Variants in MVK observed in about 807,000 individuals in gnomAD.
MVK encodes the protein mevalonate kinase.
MVK carries 34 observed loss-of-function variants against 43.2 expected under a neutral mutation model. That is an observed-to-expected ratio of 0.79 (90% CI 0.60 to 1.05). The LOEUF is 1.05. Ranked by LOEUF, MVK falls within the 50% of genes least tolerant of loss-of-function variation. MVK has a pLI of 0.00. For missense variants in MVK, 395 were observed against 504.0 expected (o/e 0.78, Z 2.07); for synonymous variants, 190 against 219.8 (o/e 0.86, Z 1.20).
intron 6 of MVK, 60 bp downstream of exon 6, chr12:109,586,185 T>A: frequency 7.7e-7 from 1 of 1,303,362 alleles, no homozygotes; most frequent in Non-Finnish European, 1.1e-6. Flanking sequence ...ATTACAATGG[T>A]AGGTGCCCAA....
chr12:109,574,356 G>A (rs1884824032), intron 1 of MVK, among the ~76,000 whole-genome samples: 1 of 152,188 alleles, frequency 6.6e-6, no homozygotes, highest in Non-Finnish European at 1.5e-5. Context: ...TCTGCTCCAT[G>A]ATTTCATGTA....
At chr12:109,580,337 A>C (rs1885164111) in intron 4 of MVK, among the ~76,000 whole-genome samples, 1 of 152,138 alleles carries the variant, frequency 6.6e-6, no homozygotes, top group Non-Finnish European at 1.5e-5. Context: ...TCCTGGGCTC[A>C]TGTGATCCAA....
chr12:109,581,325 G>T, intron 4 of MVK, 70 bp from the exon 5 acceptor site: 1 of 1,600,128 alleles, frequency 6.2e-7, no homozygotes, highest in East Asian at 2.2e-5. Flanking sequence ...CCTGGGCCTG[G>T]CCCCTGGTTC....
intron 8 of MVK, 150 bp from the exon 9 acceptor site, chr12:109,591,091 C>CA (rs1203926520): frequency 1.1e-5 from 10 of 932,062 alleles, no homozygotes; most frequent in Middle Eastern, 3.1e-4. Flanking sequence ...GCTGGGAAGG[C>CA]AAAAAAACAG....
At chr12:109,580,949 G>C (rs1885189613) in intron 4 of MVK, among the ~76,000 whole-genome samples, 1 of 152,118 alleles carries the variant, frequency 6.6e-6, no homozygotes, top group South Asian at 2.1e-4. Context: ...GGGTCTTTGT[G>C]GGCAGCTACG....
At chr12:109,579,249 C>T (rs1198540680) in intron 3 of MVK, 4 of 438,434 alleles carry the variant, frequency 9.1e-6, no homozygotes, top group Non-Finnish European at 1.8e-5. Context: ...AAGCGATCCT[C>T]CTGCCTCAGC....
intron 8 of MVK, 22 bp from the exon 9 acceptor site, chr12:109,591,219 C>T (rs756657790): frequency 1.2e-5 from 20 of 1,610,068 alleles, no homozygotes; most frequent in Middle Eastern, 1.7e-4. Flanking sequence ...CCTCACCAGC[C>T]GTTCCTTCTT....
Position 109,593,716 on chromosome 12 carries a change from A to ATTTTTTTT in MVK, c.886-1297_886-1290dup, listed in dbSNP as rs33948292. Among the ~76,000 whole-genome samples the ATTTTTTTT allele has an allele frequency of 2.7e-5, 3 of 110,406 alleles. 1 individual carries two copies. The highest frequency in any genetic ancestry group is 3.8e-5 in the African/African-American group (1 of 26,206). The allele number at this position is 110,406 out of a possible 152,430, so 72.4% of individuals were successfully genotyped here. On this transcript the variant is annotated intron_variant, in intron 9 of 10. Coordinates refer to ENST00000228510, the MANE Select transcript of MVK (RefSeq NM_000431.4). ...GTTTCGTCTCAGGGCAAAGAAGCAG[A>ATTTTTTTT]TTTTTTTTTTTTTTTTTTTTTTGAG... is the stretch of plus-strand genomic sequence containing the variant.
At position 109,596,884 on chromosome 12, in the gene MVK, C is replaced by T. The variant is rs902713283; in HGVS notation, c.*307C>T. The T allele has an allele frequency of 3.8e-5, 18 of 469,900 alleles. No individual in the cohort carries two copies. Among genetic ancestry groups the T allele is most frequent in the Admixed American group, 1.4e-4 (4 of 29,612 alleles). The allele number at this position is 469,900 out of a possible 1,614,324, so 29.1% of individuals were successfully genotyped here. A position where few individuals can be genotyped will look rare whatever the true frequency, so the allele number is the denominator to read the frequency against. On this transcript the variant is annotated 3_prime_UTR_variant, in exon 11 of 11. Transcript: ENST00000228510. ...CACAGTCCCATCTGCTTCAGGCCCC[C>T]GCCTTGGCCTGTGTTCTTCCTGGCC...
chr12:109,592,822 G>A (rs1885742192), intron 9 of MVK, among the ~76,000 whole-genome samples: 1 of 152,122 alleles, frequency 6.6e-6, no homozygotes. Flanking sequence ...CTGTGTTTCG[G>A]CCCTCATTCC....
chr12:109,573,293 C>T (rs115069962), upstream of MVK: 382 of 1,610,108 alleles, frequency 2.4e-4, no homozygotes, highest in African/African-American at 4.1e-3. Flanking sequence ...CCCATGGCGA[C>T]GACACCACGA....
intron 3 of MVK, among the ~76,000 whole-genome samples, chr12:109,578,568 G>T (rs1885065810): frequency 6.6e-6 from 1 of 152,182 alleles, no homozygotes; most frequent in Non-Finnish European, 1.5e-5. Flanking sequence ...GGTTACACTT[G>T]TTGGTGACAC....
chr12:109,573,282 A>T (rs1884724992), upstream of MVK: 1 of 1,601,230 alleles, frequency 6.2e-7, no homozygotes, highest in African/African-American at 1.3e-5. Context: ...GGTGTGACGT[A>T]CCCATGGCGA....
At chr12:109,582,098 C>A (rs1287481751) in intron 5 of MVK, among the ~76,000 whole-genome samples, 1 of 152,204 alleles carries the variant, frequency 6.6e-6, no homozygotes, top group Non-Finnish European at 1.5e-5. Context: ...CTCTGCGTTC[C>A]TATTGACCAC....
chr12:109,592,105 A>G (rs1003867158), intron 9 of MVK, among the ~76,000 whole-genome samples: 4 of 152,202 alleles, frequency 2.6e-5, no homozygotes, highest in Admixed American at 6.5e-5. Flanking sequence ...TTAGCCAGAC[A>G]TGACGGTACA....
At chr12:109,585,918 G>A in intron 5 of MVK, 104 bp from the exon 6 acceptor site, 1 of 877,134 alleles carries the variant, frequency 1.1e-6, no homozygotes, top group Non-Finnish European at 1.9e-6. Context: ...GAGCTCAAGG[G>A]CCCAAGCTCC....
chr12:109,573,311 C>G, upstream of MVK: 3 of 1,611,870 alleles, frequency 1.9e-6, no homozygotes, highest in Non-Finnish European at 2.5e-6. Context: ...CGATTCACGG[C>G]AGGTGTTCGA....
chr12:109,582,414 G>A (rs780064098), intron 5 of MVK, among the ~76,000 whole-genome samples: 1 of 152,122 alleles, frequency 6.6e-6, no homozygotes, highest in African/African-American at 2.4e-5. Flanking sequence ...TTGGCTCACT[G>A]CAACCTCTGC....
At chr12:109,579,178 TATGCAGCCTGGAGTACAGTG>T (rs1885098853) in intron 3 of MVK, 2 of 433,404 alleles carry the variant, frequency 4.6e-6, no homozygotes, top group African/African-American at 4.1e-5. Flanking sequence ...CTCACTCTGT[TATGCAGCCTGGAGTACAGTG>T]GTGCGACCAC....
Sources: gnomAD v4.1 joint callset for allele counts (sites outside exome capture counted in the v4.1 genomes callset) on GRCh38, gnomAD v4.1.1 for gene constraint, MANE v1.5 for transcripts, NCBI Gene and HGNC (gene_info 2026-07-23, HGNC 2026-07-21) for gene names.